The following TBC1D22B variants were observed in gnomAD, a reference collection of about 807,000 sequenced individuals.
TBC1D22B encodes chromosome 6 open reading frame 197.
In TBC1D22B, 32 loss-of-function variants were observed where a neutral mutation model predicts 69.1. That is an observed-to-expected ratio of 0.46 (90% CI 0.35 to 0.62). TBC1D22B has a LOEUF of 0.62. TBC1D22B is among the 20% of genes least tolerant of loss of function. TBC1D22B has a pLI of 0.00. For synonymous variants in TBC1D22B, 206 were observed against 229.8 expected (o/e 0.90, Z 0.94); for missense variants, 462 against 630.9 (o/e 0.73, Z 2.87).
chr6:37,304,473 C>G (rs1767650888), intron 8 of TBC1D22B, among the ~76,000 whole-genome samples: 1 of 152,122 alleles, frequency 6.6e-6, no homozygotes, highest in South Asian at 2.1e-4. Context: ...AGTAGTACAG[C>G]AACATGGAAG....
chr6:37,314,800 A>C (rs1032499541), intron 10 of TBC1D22B, among the ~76,000 whole-genome samples: 3 of 138,716 alleles, frequency 2.2e-5, no homozygotes, highest in African/African-American at 8.2e-5. Flanking sequence ...AACATTGTAT[A>C]TCTTTCTCTC....
intron 12 of TBC1D22B, among the ~76,000 whole-genome samples, chr6:37,326,099 C>T (rs895460607): frequency 5.3e-5 from 8 of 152,060 alleles, no homozygotes; most frequent in East Asian, 1.9e-4. Context: ...AGAGTATTCT[C>T]GGCTGGGCGC....
At chr6:37,303,876 G>A (rs1272092297) in intron 8 of TBC1D22B, among the ~76,000 whole-genome samples, 1 of 152,110 alleles carries the variant, frequency 6.6e-6, no homozygotes, top group East Asian at 1.9e-4. Context: ...TTCTCCTGTG[G>A]CACTTTACCT....
chr6:37,330,181 C>T (rs1768539332), intron 12 of TBC1D22B, among the ~76,000 whole-genome samples: 1 of 147,460 alleles, frequency 6.8e-6, no homozygotes. Flanking sequence ...CATATATTAA[C>T]CTTTTATCTT....
intron 2 of TBC1D22B, among the ~76,000 whole-genome samples, chr6:37,271,771 G>A (rs1447819079): frequency 1.3e-5 from 2 of 151,346 alleles, no homozygotes; most frequent in South Asian, 4.2e-4. Flanking sequence ...TTCTTTTTGC[G>A]ATTTGGTGTG....
intron 2 of TBC1D22B, among the ~76,000 whole-genome samples, chr6:37,272,027 C>T (rs930627500): frequency 2.0e-5 from 3 of 152,040 alleles, no homozygotes; most frequent in Admixed American, 1.3e-4. Context: ...ACTTAAACAG[C>T]AGGCTTTTCT....
At position 37,310,386 on chromosome 6, in the gene TBC1D22B, C is replaced by T. The variant is rs559724161; in HGVS notation, c.983-2532C>T. On this transcript the variant is annotated intron_variant, in intron 8 of 12. Coordinates refer to ENST00000373491, the MANE Select transcript of TBC1D22B (RefSeq NM_017772.4). Reference sequence around the variant, plus strand: ...GGAAGAATTTTTAAATATGATTTCTCGGCTGGGCACGGTAGCTCACGCCTG... The same window carrying T: ...GGAAGAATTTTTAAATATGATTTCTTGGCTGGGCACGGTAGCTCACGCCTG... 1.4e-4 allele frequency among the ~76,000 whole-genome samples: 21 copies of T among 151,930 alleles called. No individual in the cohort carries two copies. The South Asian group carries it at 3.3e-3, about 24-fold the overall frequency.
intron 8 of TBC1D22B, among the ~76,000 whole-genome samples, chr6:37,312,008 T>G (rs998769553): frequency 6.6e-6 from 1 of 152,250 alleles, no homozygotes; most frequent in African/African-American, 2.4e-5. Flanking sequence ...AGGCTGCTTA[T>G]GTTTTCCTCA....
At chr6:37,266,584 C>T (rs1404147033) in intron 1 of TBC1D22B, among the ~76,000 whole-genome samples, 3 of 151,992 alleles carry the variant, frequency 2.0e-5, no homozygotes, top group African/African-American at 7.3e-5. Context: ...GCCTCAGCCT[C>T]CTGAGTAGTT....
intron 12 of TBC1D22B, among the ~76,000 whole-genome samples, chr6:37,317,769 G>T (rs1735946226): frequency 6.6e-6 from 1 of 152,180 alleles, no homozygotes; most frequent in African/African-American, 2.4e-5. Context: ...TAACATCTGA[G>T]CAAAGACCTG....
At chr6:37,311,615 G>A (rs1767912633) in intron 8 of TBC1D22B, among the ~76,000 whole-genome samples, 1 of 152,108 alleles carries the variant, frequency 6.6e-6, no homozygotes, top group Non-Finnish European at 1.5e-5. Context: ...CAAGGCTGCA[G>A]TGAGCCGAGA....
intron 3 of TBC1D22B, among the ~76,000 whole-genome samples, chr6:37,280,637 G>GATCCATGATGAGCT: frequency 6.6e-6 from 1 of 152,344 alleles, no homozygotes; most frequent in East Asian, 1.9e-4. Flanking sequence ...CCCCTACCGT[G>GATCCATGATGAGCT]ATCCATGATG....
chr6:37,284,403 G>T lies in TBC1D22B; in HGVS notation c.740G>T (p.Gly247Val). 6.2e-7 allele frequency: 1 copy of T among 1,613,392 alleles called. No individual in the cohort carries two copies. Among genetic ancestry groups the T allele is most frequent in the Non-Finnish European group, 8.5e-7 (1 of 1,179,698 alleles). ...CAGCGGAAGCGGGAGGAATATTTTG[G>T]CTTCATTGAACAGTATTATGACTCT... ...TLQRKREEYF[G>V]FIEQYYDSRN... Residue 247 changes from glycine (G) to valine (V), a missense_variant, in exon 6 of 13, where the codon GGC becomes GTC. Transcript: ENST00000373491.
intron 12 of TBC1D22B, among the ~76,000 whole-genome samples, chr6:37,326,728 T>C (rs1768415830): frequency 6.6e-6 from 1 of 151,758 alleles, no homozygotes. Context: ...GTGGAGGTGG[T>C]GGTGAGCCAA....
intron 8 of TBC1D22B, among the ~76,000 whole-genome samples, chr6:37,302,026 G>A (rs1403225563): frequency 2.0e-5 from 3 of 152,134 alleles, no homozygotes; most frequent in African/African-American, 7.2e-5. Context: ...ACATTATTTG[G>A]CTTCTCTCAT....
Position 37,269,644 on chromosome 6 carries a change from C to T in TBC1D22B, c.107C>T (p.Thr36Ile). 1 of 1,614,122 alleles carries T rather than the reference C, an allele frequency of 6.2e-7. No homozygotes were observed. Among genetic ancestry groups the T allele is most frequent in the East Asian group, 2.2e-5 (1 of 44,878 alleles). The change falls in exon 2 of 13, where the codon ACC becomes ATC. Residue 36 changes from threonine (T) to isoleucine (I), a missense_variant. By Grantham distance (89) the Thr-to-Ile change is moderately conservative (BLOSUM62 -1). Around this residue, in one of 2 missense-constraint regions of TBC1D22B, gnomAD observed 237 missense variants for 255.4 expected, o/e 0.93. Coordinates refer to ENST00000373491, the MANE Select transcript of TBC1D22B (RefSeq NM_017772.4). Reference protein sequence around the residue: ...AQHPPLDPRLTKNFIKERSKV... With the variant: ...AQHPPLDPRLIKNFIKERSKV... ...CATCCTCCTCTTGACCCACGGCTCA[C>T]CAAAAAGTAAGTCAAGACATTTTCG... is the stretch of plus-strand genomic sequence containing the variant.
intron 8 of TBC1D22B, among the ~76,000 whole-genome samples, chr6:37,308,178 T>C (rs1767795227): frequency 1.3e-5 from 2 of 152,208 alleles, no homozygotes; most frequent in Admixed American, 6.5e-5. Context: ...AAAATCTTGT[T>C]TCCTCCCATC....
chr6:37,269,834 A>G (rs559122952), intron 2 of TBC1D22B, among the ~76,000 whole-genome samples, 184 bp downstream of exon 2: 1 of 152,314 alleles, frequency 6.6e-6, no homozygotes, highest in African/African-American at 2.4e-5. Flanking sequence ...ATTAACTCCC[A>G]TTAGAGATTT....
intron 8 of TBC1D22B, among the ~76,000 whole-genome samples, chr6:37,302,817 C>T (rs1318234570): frequency 6.6e-6 from 1 of 152,158 alleles, no homozygotes; most frequent in East Asian, 1.9e-4. Flanking sequence ...ACAGGGAACC[C>T]AAGTAACAGT....
Sources: allele counts gnomAD v4.1 joint callset (sites outside exome capture counted in the v4.1 genomes callset), GRCh38; gene constraint gnomAD v4.1.1; regional missense constraint gnomAD v4.1.1; transcripts MANE v1.5; gene names NCBI Gene and HGNC (gene_info 2026-07-23, HGNC 2026-07-21).